The following MYO9A variants were observed in gnomAD, a reference collection of about 807,000 sequenced individuals.
MYO9A encodes myosin IXA, also known as unconventional myosin-IXa.
MYO9A carries 103 observed loss-of-function variants against 293.3 expected under a neutral mutation model. The observed-to-expected ratio is 0.35, with a 90% CI of 0.30 to 0.41. The LOEUF (loss-of-function observed/expected upper bound fraction) is 0.41, where lower values mean the gene tolerates loss of function less well. MYO9A is among the 10% of genes least tolerant of loss of function. The probability of loss-of-function intolerance (pLI) is 1.00; values close to 1 mark genes in which losing one functional copy is unlikely to be tolerated. For synonymous variants in MYO9A, 1,001 were observed against 1,035.7 expected, an observed-to-expected ratio of 0.97 and a Z score of 0.64; for missense variants, 2,685 against 3,033.0, an observed-to-expected ratio of 0.89 and a Z score of 2.69.
chr15:71,970,630 A>G (rs2075984227), intron 12 of MYO9A, among the ~76,000 whole-genome samples: 2 of 152,314 alleles, frequency 1.3e-5, no homozygotes, highest in Admixed American at 6.5e-5. Context: ...AGGACAGGTA[A>G]TAACTACAGG....
rs142639438 is a variant in MYO9A at position 71,888,068 on chromosome 15, T to A, written c.5191A>T (p.Thr1731Ser). The change falls in exon 27 of 42, where the codon ACT becomes TCT. Residue 1731 changes from threonine to serine, a missense_variant. Coordinates refer to ENST00000356056, the MANE Select transcript of MYO9A (RefSeq NM_006901.4). ...TTGGTAATCTCTCCTTGAGACATAG[T>A]CTTATGAAGTTTTGCTTGTTCATCA... ...SVDEQAKLHKTMSQGEITKLA... is the reference protein window; with the variant it reads ...SVDEQAKLHKSMSQGEITKLA... 266 of 1,610,982 alleles carry A rather than the reference T, an allele frequency of 1.7e-4. 2 individuals are homozygous for A. Among genetic ancestry groups the A allele is most frequent in the Middle Eastern group, 1.7e-4 (1 of 6,054 alleles).
At chr15:71,960,450 C>T (rs2075711035) in intron 13 of MYO9A, 1 of 219,718 alleles carries the variant, frequency 4.6e-6, no homozygotes, top group Non-Finnish European at 9.1e-6. Context: ...TCTGAGGCTT[C>T]ACCAGAAGCC....
At chr15:71,961,844 C>T (rs1176133869) in intron 13 of MYO9A, among the ~76,000 whole-genome samples, 1 of 152,076 alleles carries the variant, frequency 6.6e-6, no homozygotes, top group East Asian at 1.9e-4. Context: ...CTCAGCCTTC[C>T]GTGTACCTGT....
intron 19 of MYO9A, among the ~76,000 whole-genome samples, chr15:71,909,970 T>C (rs1387813548): frequency 6.6e-6 from 1 of 151,356 alleles, no homozygotes. Context: ...TGAGACTCCG[T>C]CTCAAAATAA....
At chr15:72,077,039 AT>A (rs954511065) in intron 1 of MYO9A, among the ~76,000 whole-genome samples, 5 of 151,790 alleles carry the variant, frequency 3.3e-5, no homozygotes, top group African/African-American at 1.2e-4. Flanking sequence ...AAAAAAAAAA[AT>A]CTCAACACAG....
chr15:71,886,656 T>C (rs1375599445), intron 27 of MYO9A, among the ~76,000 whole-genome samples: 1 of 152,174 alleles, frequency 6.6e-6, no homozygotes, highest in Non-Finnish European at 1.5e-5. Flanking sequence ...TAGTATGTAT[T>C]AACATATTTA....
intron 11 of MYO9A, 70 bp from the exon 12 acceptor site, chr15:71,978,362 A>G (rs2076194534): frequency 7.5e-7 from 1 of 1,336,044 alleles, no homozygotes; most frequent in Admixed American, 2.4e-5. Flanking sequence ...TATAGATTGA[A>G]AAGCTTTTAC....
intron 1 of MYO9A, among the ~76,000 whole-genome samples, chr15:72,089,738 A>G (rs1329421804): frequency 6.6e-6 from 1 of 152,144 alleles, no homozygotes. Context: ...CCATGATCTC[A>G]CTACTGCACT....
chr15:71,967,649 T>C (rs1249668828), intron 13 of MYO9A, among the ~76,000 whole-genome samples: 3 of 152,246 alleles, frequency 2.0e-5, no homozygotes, highest in East Asian at 1.9e-4. Flanking sequence ...CATGAAGACC[T>C]TATGAGTGCA....
At chr15:72,030,540 T>C (rs2077830320) in intron 3 of MYO9A, among the ~76,000 whole-genome samples, 1 of 152,128 alleles carries the variant, frequency 6.6e-6, no homozygotes, top group Non-Finnish European at 1.5e-5. Context: ...ATGGTTTTTT[T>C]CCTTGAACTT....
chr15:71,840,407 C>A (rs576404571), intron 39 of MYO9A, among the ~76,000 whole-genome samples: 2 of 152,300 alleles, frequency 1.3e-5, no homozygotes, highest in Non-Finnish European at 2.9e-5. Context: ...GCATGCTATA[C>A]TCCCAGTCCC....
chr15:72,075,648 G>A (rs951748301), intron 1 of MYO9A, among the ~76,000 whole-genome samples: 1 of 152,050 alleles, frequency 6.6e-6, no homozygotes, highest in Non-Finnish European at 1.5e-5. Context: ...AAGAAAGCCA[G>A]GCACAGTGAT....
intron 32 of MYO9A, among the ~76,000 whole-genome samples, chr15:71,866,466 G>A (rs189214500): frequency 2.6e-5 from 4 of 152,026 alleles, no homozygotes. Context: ...GGAGTTTGAG[G>A]TTGGTCTGGG....
chr15:71,958,166 C>A lies in MYO9A; in HGVS notation c.2182+1735G>T, dbSNP rs190231889. On this transcript the variant is annotated intron_variant, in intron 14 of 41. Coordinates refer to ENST00000356056, the MANE Select transcript of MYO9A (RefSeq NM_006901.4). Reference sequence around the variant, plus strand: ...CATATCCAACATCTAGAATTGGTCACCTCACCTTTTCTGCCTTTCATATTT... The same window carrying A: ...CATATCCAACATCTAGAATTGGTCAACTCACCTTTTCTGCCTTTCATATTT... 5.9e-5 allele frequency among the ~76,000 whole-genome samples: 9 copies of A among 152,288 alleles called. No homozygotes were observed. The East Asian group carries it at 9.6e-4, about 16-fold the overall frequency.
intron 18 of MYO9A, among the ~76,000 whole-genome samples, chr15:71,926,289 C>T (rs1439344905): frequency 6.6e-6 from 1 of 152,208 alleles, no homozygotes; most frequent in Non-Finnish European, 1.5e-5. Context: ...CCAAGCCATG[C>T]ACCGTGGTAT....
chr15:71,864,719 A>T (rs1487008816), intron 32 of MYO9A, among the ~76,000 whole-genome samples: 1 of 152,220 alleles, frequency 6.6e-6, no homozygotes, highest in Non-Finnish European at 1.5e-5. Flanking sequence ...CTAAAAAGCC[A>T]CATGCAAAAA....
rs753456159 is a variant in MYO9A, at chr15:72,046,509, G to A, written c.55C>T (p.Arg19Trp). ...RRFEDNEHTLRIYPGAISEGT... is the reference protein window; with the variant it reads ...RRFEDNEHTLWIYPGAISEGT... ...TCTGAAATAGCCCCAGGATATATCCGTAATGTATGTTCATTATCTTCAAAG... is the reference window on the plus strand; with the variant it reads ...TCTGAAATAGCCCCAGGATATATCCATAATGTATGTTCATTATCTTCAAAG... The change falls in exon 2 of 42, where the codon CGG becomes TGG. Residue 19 changes from arginine to tryptophan, a missense_variant. Physicochemically the swap from Arg to Trp is moderately radical, Grantham distance 101. Coordinates refer to ENST00000356056, the MANE Select transcript of MYO9A (RefSeq NM_006901.4). 2.7e-5 allele frequency: 44 copies of A among 1,612,826 alleles called. No homozygotes were observed. Among genetic ancestry groups the A allele is most frequent in the African/African-American group, 1.6e-4 (12 of 74,924 alleles).
At chr15:71,905,558 G>A (rs2057606880) in intron 19 of MYO9A, among the ~76,000 whole-genome samples, 1 of 151,984 alleles carries the variant, frequency 6.6e-6, no homozygotes, top group South Asian at 2.1e-4. Context: ...GCCAAGGAGG[G>A]CAGGATCACC....
At chr15:71,977,864 C>T (rs181313315) in intron 12 of MYO9A, among the ~76,000 whole-genome samples, 4 of 152,102 alleles carry the variant, frequency 2.6e-5, no homozygotes, top group East Asian at 1.9e-4. Context: ...GGTGAAACCC[C>T]GTCTGTACTA....
Sources: allele counts gnomAD v4.1 joint callset (sites outside exome capture counted in the v4.1 genomes callset), GRCh38; gene constraint gnomAD v4.1.1; transcripts MANE v1.5; gene names NCBI Gene and HGNC (gene_info 2026-07-23, HGNC 2026-07-21).